Variants in ARHGAP6 observed in about 807,000 individuals in gnomAD.
ARHGAP6 encodes Rho GTPase activating protein 6.
ARHGAP6 carries 16 observed loss-of-function variants against 55.7 expected under a neutral mutation model. The ratio of observed to expected loss-of-function variants is 0.29; its 90% CI spans 0.19 to 0.44. The LOEUF (loss-of-function observed/expected upper bound fraction) is 0.44, where lower values mean the gene tolerates loss of function less well. Ranked by LOEUF, ARHGAP6 falls within the 20% of genes least tolerant of loss-of-function variation. ARHGAP6 has a pLI of 1.00. For synonymous variants in ARHGAP6, 382 were observed against 360.9 expected (o/e 1.06, Z -0.66); for missense variants, 698 against 808.9 (o/e 0.86, Z 1.66).
At chrX:11,167,656 G>T in intron 9 of ARHGAP6, among the ~76,000 whole-genome samples, 1 of 106,608 alleles carries the variant, frequency 9.4e-6, no homozygotes, top group Non-Finnish European at 1.9e-5. Context: ...AGAAATGCTC[G>T]ATGATATGTG....
chrX:11,460,083 A>T (rs934289066), intron 1 of ARHGAP6, among the ~76,000 whole-genome samples: 2 of 111,225 alleles, frequency 1.8e-5, no homozygotes, highest in African/African-American at 3.3e-5. Context: ...CTGCCCCTTG[A>T]TTAGGTTACC....
chrX:11,344,697 A>AG (rs1407405311), intron 1 of ARHGAP6, among the ~76,000 whole-genome samples: 42 of 103,535 alleles, frequency 4.1e-4, no homozygotes, highest in African/African-American at 1.4e-3. Flanking sequence ...AAAAAAAAAA[A>AG]AAAAAAAGAA....
chrX:11,453,193 T>TCTATATATATACATAATATATATATATG (rs1311828057), intron 1 of ARHGAP6, among the ~76,000 whole-genome samples: 8 of 100,521 alleles, frequency 8.0e-5, no homozygotes, highest in Admixed American at 2.3e-4. Flanking sequence ...TCTCTCTCTC[T>TCTATATATATACATAATATATATATATG]CTATATATAT....
At chrX:11,651,853 T>C (rs910611327) in intron 1 of ARHGAP6, among the ~76,000 whole-genome samples, 2 of 112,156 alleles carry the variant, frequency 1.8e-5, no homozygotes, top group Non-Finnish European at 3.8e-5. Context: ...AGATGGTATC[T>C]CATTGTGGTT....
intron 1 of ARHGAP6, among the ~76,000 whole-genome samples, chrX:11,299,267 C>T (rs747710271): frequency 4.2e-4 from 47 of 111,537 alleles, no homozygotes; most frequent in Admixed American, 1.2e-3. Flanking sequence ...ATTACTAAAC[C>T]CCATGAATTT....
chrX:11,176,242 T>TAA (rs2046212795), intron 8 of ARHGAP6, among the ~76,000 whole-genome samples: 1 of 66,133 alleles, frequency 1.5e-5, no homozygotes. Context: ...CATATATATA[T>TAA]ATATATATAT....
At chrX:11,645,779 A>C (rs779359967) in intron 1 of ARHGAP6, among the ~76,000 whole-genome samples, 3 of 111,659 alleles carry the variant, frequency 2.7e-5, no homozygotes, top group Non-Finnish European at 5.7e-5. Flanking sequence ...ACCTACTAGA[A>C]AAGGATGGGC....
chrX:11,314,842 G>T (rs1196953310), intron 1 of ARHGAP6, among the ~76,000 whole-genome samples: 2 of 111,530 alleles, frequency 1.8e-5, no homozygotes, highest in Non-Finnish European at 3.8e-5. Flanking sequence ...TGGGTACTAG[G>T]ATTAATACCC....
At chrX:11,152,697 G>A (rs747566039) in intron 10 of ARHGAP6, among the ~76,000 whole-genome samples, 50 of 112,128 alleles carry the variant, frequency 4.5e-4, no homozygotes, top group African/African-American at 1.3e-3. Context: ...ATGGTCTGGA[G>A]CATTGATTCC....
At chrX:11,191,836 G>T (rs938317757) in intron 3 of ARHGAP6, among the ~76,000 whole-genome samples, 4 of 111,399 alleles carry the variant, frequency 3.6e-5, no homozygotes, top group African/African-American at 1.3e-4. Context: ...TTCCTGAAAT[G>T]CTCCCTGTCC....
intron 1 of ARHGAP6, among the ~76,000 whole-genome samples, chrX:11,276,599 A>C (rs2047769860): frequency 8.9e-6 from 1 of 112,221 alleles, no homozygotes; most frequent in African/African-American, 3.2e-5. Flanking sequence ...GGGAGAAACC[A>C]ACATGAAGTA....
intron 1 of ARHGAP6, among the ~76,000 whole-genome samples, chrX:11,489,413 C>T (rs73486515): frequency 0.11 from 12,170 of 112,065 alleles, 620 homozygotes; most frequent in East Asian, 0.18. Flanking sequence ...CTGTCTTCTT[C>T]AGCTTAGAGC....
chrX:11,404,174 T>C (rs1195307131), intron 1 of ARHGAP6, among the ~76,000 whole-genome samples: 1 of 111,831 alleles, frequency 8.9e-6, no homozygotes, highest in African/African-American at 3.3e-5. Flanking sequence ...ATCTCTCTGA[T>C]GAGCCTCTCC....
intron 1 of ARHGAP6, among the ~76,000 whole-genome samples, chrX:11,389,028 T>C (rs1277212814): frequency 8.9e-6 from 1 of 111,785 alleles, no homozygotes; most frequent in Non-Finnish European, 1.9e-5. Flanking sequence ...GATTCTCAAC[T>C]GGGGGCAGTT....
intron 1 of ARHGAP6, among the ~76,000 whole-genome samples, chrX:11,296,322 C>A (rs2048083114): frequency 8.9e-6 from 1 of 112,354 alleles, no homozygotes; most frequent in Non-Finnish European, 1.9e-5. Flanking sequence ...AGACAATTCT[C>A]TCCTTGTTGA....
At chrX:11,276,227 C>T (rs1363682238) in intron 1 of ARHGAP6, among the ~76,000 whole-genome samples, 2 of 111,372 alleles carry the variant, frequency 1.8e-5, no homozygotes, top group Non-Finnish European at 3.8e-5. Context: ...CCCGACCCTG[C>T]CCCATCTCAG....
intron 1 of ARHGAP6, among the ~76,000 whole-genome samples, chrX:11,256,904 G>A (rs889446713): frequency 9.0e-6 from 1 of 111,727 alleles, no homozygotes; most frequent in Non-Finnish European, 1.9e-5. Context: ...GTGGGGAGAG[G>A]AGTGAGTGAG....
chrX:11,404,395 A>C (rs2049586205), intron 1 of ARHGAP6, among the ~76,000 whole-genome samples: 1 of 112,357 alleles, frequency 8.9e-6, no homozygotes, highest in Non-Finnish European at 1.9e-5. Context: ...GTAGTCTTCC[A>C]ATCTATTCAA....
intron 1 of ARHGAP6, among the ~76,000 whole-genome samples, chrX:11,360,357 C>T (rs1215195782): frequency 9.0e-6 from 1 of 110,581 alleles, no homozygotes; most frequent in African/African-American, 3.3e-5. Context: ...TCAATATATG[C>T]AAATCAATAA....
Sources: gnomAD v4.1 joint callset for allele counts (sites outside exome capture counted in the v4.1 genomes callset) on GRCh38, gnomAD v4.1.1 for gene constraint, MANE v1.5 for transcripts, NCBI Gene and HGNC (gene_info 2026-07-23, HGNC 2026-07-21) for gene names.